The following GPC6 variants were observed in gnomAD, a reference collection of about 807,000 sequenced individuals.
The protein encoded by GPC6 is glypican-6.
GPC6 carries 14 observed loss-of-function variants against 55.2 expected under a neutral mutation model. The ratio of observed to expected loss-of-function variants is 0.25; its 90% CI spans 0.17 to 0.40. The LOEUF is 0.40. Ranked by LOEUF, GPC6 falls within the 10% of genes least tolerant of loss-of-function variation. The pLI is 1.00. For synonymous variants in GPC6, 278 were observed against 259.6 expected (o/e 1.07, Z -0.68); for missense variants, 641 against 708.5 (o/e 0.90, Z 1.08).
intron 1 of GPC6, among the ~76,000 whole-genome samples, chr13:93,532,871 A>AT (rs11448951): frequency 0.18 from 27,097 of 152,122 alleles, 2,778 homozygotes; most frequent in East Asian, 0.3. Context: ...TAAAGGAGCT[A>AT]TTTTTTGCAG....
At chr13:94,070,133 G>T (rs1884671941) in intron 4 of GPC6, among the ~76,000 whole-genome samples, 1 of 152,190 alleles carries the variant, frequency 6.6e-6, no homozygotes, top group Non-Finnish European at 1.5e-5. Context: ...CATGGTGGAA[G>T]GCAAGGAGGA....
chr13:93,433,454 C>T (rs1023720978), intron 1 of GPC6, among the ~76,000 whole-genome samples: 2 of 152,094 alleles, frequency 1.3e-5, no homozygotes, highest in African/African-American at 4.8e-5. Context: ...TGGGGAAGAC[C>T]ATGGCCTTTG....
At chr13:93,554,295 C>T (rs574725137) in intron 2 of GPC6, among the ~76,000 whole-genome samples, 3 of 152,264 alleles carry the variant, frequency 2.0e-5, no homozygotes, top group South Asian at 2.1e-4. Context: ...ATACAGAGCA[C>T]GTCATTTTCA....
intron 1 of GPC6, among the ~76,000 whole-genome samples, chr13:93,261,815 G>T (rs1224414120): frequency 6.6e-6 from 1 of 152,034 alleles, no homozygotes; most frequent in Non-Finnish European, 1.5e-5. Flanking sequence ...CTGGTATATA[G>T]TGAAAAATGT....
At chr13:93,590,555 T>C (rs927844703) in intron 2 of GPC6, among the ~76,000 whole-genome samples, 2 of 151,652 alleles carry the variant, frequency 1.3e-5, no homozygotes, top group Non-Finnish European at 2.9e-5. Context: ...AATGTGTGAA[T>C]TGATTCTTTA....
At chr13:93,850,208 C>G (rs574742722) in intron 3 of GPC6, among the ~76,000 whole-genome samples, 1 of 150,036 alleles carries the variant, frequency 6.7e-6, no homozygotes, top group Non-Finnish European at 1.5e-5. Context: ...TATGTTTATT[C>G]ACCCCTTCAT....
chr13:94,303,922 C>T (rs1042262289), intron 5 of GPC6, among the ~76,000 whole-genome samples: 1 of 152,188 alleles, frequency 6.6e-6, no homozygotes, highest in African/African-American at 2.4e-5. Flanking sequence ...ATTAAAAAGT[C>T]CATTAACTCT....
intron 6 of GPC6, among the ~76,000 whole-genome samples, chr13:94,320,596 ACTTT>A (rs1876770249): frequency 6.6e-6 from 1 of 152,114 alleles, no homozygotes; most frequent in Non-Finnish European, 1.5e-5. Flanking sequence ...CTGGCTCGTC[ACTTT>A]AGGGAAGCCC....
intron 1 of GPC6, among the ~76,000 whole-genome samples, chr13:93,451,609 G>A (rs959565199): frequency 7.2e-5 from 11 of 152,236 alleles, no homozygotes; most frequent in African/African-American, 2.7e-4. Context: ...TAGCCACAGA[G>A]TTGAGTAGTT....
At chr13:94,228,249 C>T (rs80094146) in intron 4 of GPC6, among the ~76,000 whole-genome samples, 2 of 152,042 alleles carry the variant, frequency 1.3e-5, no homozygotes, top group Non-Finnish European at 2.9e-5. Flanking sequence ...GCAGCATTCT[C>T]GGTCCTCTGA....
intron 1 of GPC6, among the ~76,000 whole-genome samples, chr13:93,397,867 C>G (rs1016015310): frequency 2.6e-5 from 4 of 151,982 alleles, no homozygotes; most frequent in Non-Finnish European, 2.9e-5. Context: ...TTTTATGACC[C>G]TGTACAGAGT....
chr13:94,218,852 G>A (rs1489149515), intron 4 of GPC6, among the ~76,000 whole-genome samples: 2 of 152,080 alleles, frequency 1.3e-5, no homozygotes, highest in African/African-American at 4.8e-5. Context: ...AATTCAGTTG[G>A]TCTGGGGTAG....
intron 1 of GPC6, among the ~76,000 whole-genome samples, chr13:93,235,537 T>C (rs1203990525): frequency 6.6e-6 from 1 of 151,898 alleles, no homozygotes; most frequent in Non-Finnish European, 1.5e-5. Flanking sequence ...GACACTTAAA[T>C]TTTAGAGGCT....
intron 1 of GPC6, among the ~76,000 whole-genome samples, chr13:93,483,517 A>G (rs542793010): frequency 6.6e-6 from 1 of 152,260 alleles, no homozygotes; most frequent in East Asian, 1.9e-4. Flanking sequence ...CTATTCAATT[A>G]TATCTAAGAT....
At chr13:93,697,964 T>C (rs948721153) in intron 2 of GPC6, among the ~76,000 whole-genome samples, 1 of 152,186 alleles carries the variant, frequency 6.6e-6, no homozygotes, top group Non-Finnish European at 1.5e-5. Flanking sequence ...TCTTGACAAA[T>C]GAAGTGAGTG....
At chr13:93,597,597 C>A (rs113955965) in intron 2 of GPC6, among the ~76,000 whole-genome samples, 2,859 of 152,144 alleles carry the variant, frequency 0.019, 119 homozygotes, top group African/African-American at 0.064. Flanking sequence ...CCTGTAAGAC[C>A]GCAAGACCAA....
chr13:93,348,290 T>C (rs1422296859), intron 1 of GPC6, among the ~76,000 whole-genome samples: 1 of 152,214 alleles, frequency 6.6e-6, no homozygotes, highest in Non-Finnish European at 1.5e-5. Context: ...AACACATCCT[T>C]ATAAACAAGA....
chr13:93,983,682 G>A (rs1199909871), intron 3 of GPC6, among the ~76,000 whole-genome samples: 1 of 151,728 alleles, frequency 6.6e-6, no homozygotes. Flanking sequence ...ACAAGAAAAA[G>A]GAGAGATAGA....
intron 3 of GPC6, among the ~76,000 whole-genome samples, chr13:93,926,283 C>A: frequency 6.6e-6 from 1 of 152,046 alleles, no homozygotes; most frequent in Non-Finnish European, 1.5e-5. Context: ...GGTTGAAAGA[C>A]AAACAAGCAG....
Sources: allele counts gnomAD v4.1 joint callset (sites outside exome capture counted in the v4.1 genomes callset), GRCh38; gene constraint gnomAD v4.1.1; transcripts MANE v1.5; gene names NCBI Gene and HGNC (gene_info 2026-07-23, HGNC 2026-07-21).